HCN2: variants seen among roughly 807,000 people sequenced by gnomAD.
HCN2 encodes hyperpolarization activated cyclic nucleotide gated potassium and sodium channel 2.
In HCN2, 20 loss-of-function variants were observed where a neutral mutation model predicts 52.3. The ratio of observed to expected loss-of-function variants is 0.38; its 90% confidence interval spans 0.27 to 0.56. The LOEUF is 0.56. Ranked by LOEUF, HCN2 falls within the 20% of genes least tolerant of loss-of-function variation. HCN2 has a pLI of 0.71. For synonymous variants in HCN2, 694 were observed against 537.0 expected, an observed-to-expected ratio of 1.29 and a Z score of -4.04; for missense variants, 981 against 1,207.7, an observed-to-expected ratio of 0.81 and a Z score of 2.78.
chr19:610,992 T>G (rs1467390018), intron 5 of HCN2, among the ~76,000 whole-genome samples: 2 of 148,208 alleles, frequency 1.3e-5, no homozygotes, highest in African/African-American at 5.3e-5. Context: ...GCTTGCAGAT[T>G]GATCTCCCTG....
chr19:616,215 C>G lies in HCN2; in HGVS notation c.2411C>G (p.Ala804Gly). Reference protein sequence around the residue: ...PYGGLPAAPLAGPALPARRLS... With the variant: ...PYGGLPAAPLGGPALPARRLS... ...GGCGGCCTGCCCGCCGCCCCCCTTG[C>G]TGGGCCCGCCCTGCCCGCGCGCCGC... is the stretch of plus-strand genomic sequence containing the variant. Residue 804 changes from alanine to glycine, a missense_variant, in exon 8 of 8, where the codon GCT becomes GGT. This residue lies in a region of HCN2 where 368 missense variants were observed against 314.8 expected (regional missense o/e 1.17). Transcript: ENST00000251287. The G allele has an allele frequency of 1.0e-6, 1 of 987,804 alleles. No homozygotes were observed. The highest frequency in any genetic ancestry group is 1.2e-6 in the Non-Finnish European group (1 of 832,996). 61.2% of individuals were successfully genotyped at this position (987,804 alleles called of 1,614,324 possible). A position where few individuals can be genotyped will look rare whatever the true frequency, so the allele number is the denominator to read the frequency against.
intron 7 of HCN2, among the ~76,000 whole-genome samples, chr19:615,438 C>G (rs779126725): frequency 3.9e-5 from 6 of 152,148 alleles, no homozygotes; most frequent in Non-Finnish European, 8.8e-5. Context: ...GGTGTGAACC[C>G]GGGAGGTGGA....
rs771549731 is a variant in HCN2 at position 603,887 on chromosome 19, G to C, written c.976G>C (p.Val326Leu). 1.2e-6 allele frequency: 2 copies of C among 1,612,224 alleles called. No individual in the cohort carries two copies. The highest frequency in any genetic ancestry group is 2.2e-5 in the East Asian group (1 of 44,878). Residue 326 changes from valine to leucine, a missense_variant, in exon 2 of 8, where the codon GTG (valine) becomes CTG (leucine). By Grantham distance (32) the Val-to-Leu change is conservative. Coordinates refer to ENST00000251287, the MANE Select transcript of HCN2 (RefSeq NM_001194.4). ...CAAGACGGCACGCGCCCTGCGCATC[G>C]TGCGCTTCACCAAGATCCTCAGCCT... ...VYKTARALRI[V>L]RFTKILSLLR...
chr19:604,768 A>T (rs1274702078), intron 2 of HCN2, among the ~76,000 whole-genome samples: 1 of 73,760 alleles, frequency 1.4e-5, no homozygotes. Flanking sequence ...GGTGTCAGAC[A>T]TCAGGGGTGG....
At chr19:612,427 T>TGTGAGTGTGAGA in intron 5 of HCN2, among the ~76,000 whole-genome samples, 1 of 142,256 alleles carries the variant, frequency 7.0e-6, no homozygotes, top group Non-Finnish European at 1.5e-5. Flanking sequence ...TGTGTGTGTG[T>TGTGAGTGTGAGA]GAGAGAGAGA....
At chr19:602,131 T>C in intron 1 of HCN2, among the ~76,000 whole-genome samples, 1 of 125,396 alleles carries the variant, frequency 8.0e-6, no homozygotes, top group African/African-American at 3.2e-5. Flanking sequence ...CCCCACTCCC[T>C]CCTCTCTCCT....
At chr19:597,049 G>A (rs1983051815) in intron 1 of HCN2, among the ~76,000 whole-genome samples, 1 of 152,204 alleles carries the variant, frequency 6.6e-6, no homozygotes, top group South Asian at 2.1e-4. Context: ...GTGACGACGA[G>A]GGTTGCGGCC....
At chr19:600,333 C>T (rs1227028234) in intron 1 of HCN2, among the ~76,000 whole-genome samples, 2 of 151,996 alleles carry the variant, frequency 1.3e-5, no homozygotes, top group Admixed American at 6.6e-5. Flanking sequence ...CCACCACGCC[C>T]GGCTAATTTT....
chr19:612,425 T>TGA (rs1169120336), intron 5 of HCN2, among the ~76,000 whole-genome samples: 103 of 109,416 alleles, frequency 9.4e-4, no homozygotes, highest in East Asian at 1.5e-3. Flanking sequence ...TGTGTGTGTG[T>TGA]GTGAGAGAGA....
intron 5 of HCN2, among the ~76,000 whole-genome samples, chr19:611,063 T>G (rs933350019): frequency 1.3e-5 from 2 of 152,240 alleles, no homozygotes; most frequent in Non-Finnish European, 2.9e-5. Context: ...TTCTTGTAAA[T>G]TCATCCGTCG....
chr19:598,726 C>T (rs1319920757), intron 1 of HCN2, among the ~76,000 whole-genome samples: 2 of 152,332 alleles, frequency 1.3e-5, no homozygotes, highest in South Asian at 4.1e-4. Context: ...CTCAGCCTCC[C>T]GAGTAGCTGG....
chr19:598,428 T>C (rs1983102879), intron 1 of HCN2, among the ~76,000 whole-genome samples: 1 of 151,872 alleles, frequency 6.6e-6, no homozygotes, highest in Non-Finnish European at 1.5e-5. Context: ...TACCTCAGCC[T>C]CCCAAGTAGC....
Position 608,120 on chromosome 19 carries a change from A to G in HCN2, c.1375A>G (p.Ile459Val), listed in dbSNP as rs776330413. 2 of 1,613,320 alleles carry G rather than the reference A, an allele frequency of 1.2e-6. No individual in the cohort carries two copies. Among genetic ancestry groups the G allele is most frequent in the Non-Finnish European group, 1.7e-6 (2 of 1,180,010 alleles). ...GGGTGCCACCTGCTACGCCATGTTC[A>G]TCGGCCACGCCACTGCCCTCATCCA... Reference protein sequence around the residue: ...IVGATCYAMFIGHATALIQSL... With the variant: ...IVGATCYAMFVGHATALIQSL... Residue 459 changes from isoleucine (I) to valine (V), a missense_variant, in exon 4 of 8, where the codon ATC becomes GTC. Transcript: ENST00000251287.
At chr19:607,543 G>T (rs564384422) in intron 3 of HCN2, among the ~76,000 whole-genome samples, 6 of 152,216 alleles carry the variant, frequency 3.9e-5, no homozygotes, top group African/African-American at 7.2e-5. Context: ...CCCCTTTCCC[G>T]GCCGGGTCAG....
chr19:614,184 C>G (rs1398686112), intron 7 of HCN2, among the ~76,000 whole-genome samples, 168 bp downstream of exon 7: 1 of 149,746 alleles, frequency 6.7e-6, no homozygotes, highest in African/African-American at 2.5e-5. Flanking sequence ...GTGGCCATGG[C>G]AGCAGGGGCG....
intron 5 of HCN2, among the ~76,000 whole-genome samples, chr19:611,460 G>A (rs1983634455): frequency 6.6e-6 from 1 of 152,192 alleles, no homozygotes. Flanking sequence ...GGGGCTGGAG[G>A]AGCTGGGCGA....
Position 590,039 on chromosome 19 carries a change from C to A in HCN2, c.94C>A (p.Gln32Lys). The A allele has an allele frequency of 1.6e-6, 1 of 620,724 alleles. No individual in the cohort carries two copies. The highest frequency in any genetic ancestry group is 2.0e-6 in the Non-Finnish European group (1 of 507,014). 38.5% of individuals were successfully genotyped at this position (620,724 alleles called of 1,614,324 possible). A position where few individuals can be genotyped will look rare whatever the true frequency, so the allele number is the denominator to read the frequency against. ...PPPPPPPAPP[Q>K]QQPPPPPPPA... ...GCCGCCGCCGCCGCCCGCGCCCCCC[C>A]AACAGCAGCCGCCGCCGCCGCCGCC... Residue 32 changes from glutamine (Q) to lysine (K), a missense_variant, in exon 1 of 8, where the codon CAA becomes AAA. By Grantham distance (53) the Gln-to-Lys change is moderately conservative. Around this residue, in one of 6 missense-constraint regions of HCN2, gnomAD observed 215 missense variants for 179.4 expected, o/e 1.20. Transcript: ENST00000251287. This position sits in a 1 kb window ranked among gnomAD's most constrained non-coding sequence, Gnocchi z 7.2.
Position 610,084 on chromosome 19 carries a change from A to G in HCN2, c.1438-175A>G. On this transcript the variant is annotated intron_variant, in intron 4 of 7. Coordinates refer to ENST00000251287, the MANE Select transcript of HCN2 (RefSeq NM_001194.4). ...ACAGTACAAGCAGGTGTGAAGGCCT[A>G]TCTCCCCGCCACAGGCCGGGGGGCT... Among the ~76,000 whole-genome samples the G allele has an allele frequency of 1.3e-5, 2 of 149,636 alleles. 1 individual carries two copies. Among genetic ancestry groups the G allele is most frequent in the South Asian group, 4.3e-4 (2 of 4,692 alleles).
At position 617,104 on chromosome 19, in the gene HCN2, GCCCCATTAACCCCCACA is replaced by G. The variant is rs991880421; in HGVS notation, c.*635_*651del. ...CAGTGCCCCCACCGTGGCCCCCCACGCCCCATTAACCCCCACACCCCCATTCCGCGCAATAAACGACA... is the reference window on the plus strand; with the variant it reads ...CAGTGCCCCCACCGTGGCCCCCCACGCCCCCATTCCGCGCAATAAACGACA... On this transcript the variant is annotated 3_prime_UTR_variant, in exon 8 of 8. Coordinates refer to ENST00000251287, the MANE Select transcript of HCN2 (RefSeq NM_001194.4). The G allele has an allele frequency of 5.1e-4, 123 of 241,798 alleles. 2 individuals carry two copies. The highest frequency in any genetic ancestry group is 3.6e-3 in the East Asian group (36 of 10,034). The allele number at this position is 241,798 out of a possible 1,614,324, so 15.0% of individuals were successfully genotyped here.
Sources: gnomAD v4.1 joint callset for allele counts (sites outside exome capture counted in the v4.1 genomes callset) on GRCh38, gnomAD v4.1.1 for gene constraint, gnomAD v4.1.1 regional missense constraint, Gnocchi (gnomAD v3.1) non-coding constraint, MANE v1.5 for transcripts, NCBI Gene and HGNC (gene_info 2026-07-23, HGNC 2026-07-21) for gene names.